Variants in MYO5A observed in about 807,000 individuals in gnomAD.
MYO5A encodes myosin VA.
A neutral mutation model predicts 249.7 loss-of-function variants in MYO5A; 98 were observed. The ratio of observed to expected loss-of-function variants is 0.39; its 90% CI spans 0.33 to 0.46. The LOEUF is 0.46. Among genes scored for constraint, MYO5A ranks in the 20% least tolerant of loss-of-function variants. The probability of loss-of-function intolerance (pLI) is 0.98; values close to 1 mark genes in which losing one functional copy is unlikely to be tolerated. For missense variants in MYO5A, 1,696 were observed against 2,308.8 expected (o/e 0.73, Z 5.44); for synonymous variants, 778 against 810.6 (o/e 0.96, Z 0.68).
In MYO5A at chr15:52,336,395, T is replaced by C. The variant is rs577292207; in HGVS notation, c.4408+68A>G. On this transcript the variant is annotated intron_variant, in intron 34 of 41. Transcript: ENST00000399233. ...GCAAACCTCTATTAGGCCACTTATA[T>C]AGCCTAGTCTTTAAGCCAAGACTCA... 2.3e-5 allele frequency: 24 copies of C among 1,063,364 alleles called. 1 individual carries two copies. In the South Asian group the frequency reaches 2.3e-4, roughly 10 times the overall value. 65.9% of individuals were successfully genotyped at this position (1,063,364 alleles called of 1,614,324 possible). A position where few individuals can be genotyped will look rare whatever the true frequency, so the allele number is the denominator to read the frequency against.
chr15:52,323,788 G>A (rs2038446682), intron 36 of MYO5A: 1 of 310,702 alleles, frequency 3.2e-6, no homozygotes, highest in Admixed American at 4.5e-5. Context: ...TGGATTGCCT[G>A]GGGTCAGGAG....
At chr15:52,409,301 A>G (rs565290179) in intron 6 of MYO5A, among the ~76,000 whole-genome samples, 1 of 152,048 alleles carries the variant, frequency 6.6e-6, no homozygotes, top group South Asian at 2.1e-4. Context: ...CTTCCCTTAG[A>G]TCTACCTCTG....
chr15:52,360,174 A>G (rs564323037), intron 24 of MYO5A, 93 bp from the exon 25 acceptor site: 28 of 823,780 alleles, frequency 3.4e-5, no homozygotes, highest in Non-Finnish European at 5.3e-5. Flanking sequence ...TCTTATCCCT[A>G]CTTCCTGACT....
intron 24 of MYO5A, among the ~76,000 whole-genome samples, chr15:52,363,577 CA>C (rs1211883031): frequency 3.3e-5 from 5 of 152,144 alleles, no homozygotes; most frequent in Non-Finnish European, 7.3e-5. Flanking sequence ...TGAACTTTGT[CA>C]GTAGGTCCAG....
At chr15:52,492,219 T>G (rs1270682443) in intron 1 of MYO5A, among the ~76,000 whole-genome samples, 3 of 152,196 alleles carry the variant, frequency 2.0e-5, no homozygotes, top group Non-Finnish European at 4.4e-5. Context: ...GTAGGAGGGT[T>G]CACAAGACTC....
intron 36 of MYO5A, among the ~76,000 whole-genome samples, chr15:52,324,271 G>T (rs140219255): frequency 1.3e-5 from 2 of 152,096 alleles, no homozygotes; most frequent in African/African-American, 4.8e-5. Flanking sequence ...TACAGTCAGG[G>T]GAAAGCTGGT....
rs183145052 is a variant in MYO5A at position 52,358,031 on chromosome 15, A to C, written c.3423+1937T>G. Among the ~76,000 whole-genome samples, 134 of 152,338 alleles carry C rather than the reference A, an allele frequency of 8.8e-4. 4 individuals carry two copies. The South Asian group carries it at 0.018, about 20-fold the overall frequency. On this transcript the variant is annotated intron_variant, in intron 25 of 41. Transcript: ENST00000399233. Reference sequence around the variant, plus strand: ...GAGGTGAAAGGTGTGAGAAAGCTTGACAGCAGAAGCAGAACAGGGATCATC... The same window carrying C: ...GAGGTGAAAGGTGTGAGAAAGCTTGCCAGCAGAAGCAGAACAGGGATCATC...
At chr15:52,370,774 C>G (rs376078663) in intron 21 of MYO5A, among the ~76,000 whole-genome samples, 1 of 152,144 alleles carries the variant, frequency 6.6e-6, no homozygotes, top group Non-Finnish European at 1.5e-5. Flanking sequence ...TGCTAAAAAC[C>G]ATTTACTAGC....
At chr15:52,521,371 T>A (rs1388012204) in intron 1 of MYO5A, among the ~76,000 whole-genome samples, 1 of 152,202 alleles carries the variant, frequency 6.6e-6, no homozygotes, top group Non-Finnish European at 1.5e-5. Context: ...TCTAGTTTCA[T>A]GTACATTTGT....
At chr15:52,376,697 A>G (rs2041433100) in intron 18 of MYO5A, 139 bp from the exon 19 acceptor site, 5 of 768,180 alleles carry the variant, frequency 6.5e-6, no homozygotes, top group Non-Finnish European at 8.5e-6. Context: ...TAACTAATGG[A>G]GCCAGATTTT....
chr15:52,494,137 T>C (rs1371974499), intron 1 of MYO5A, among the ~76,000 whole-genome samples: 1 of 152,164 alleles, frequency 6.6e-6, no homozygotes, highest in East Asian at 1.9e-4. Flanking sequence ...CTATATCATA[T>C]GAAGGAAATA....
At chr15:52,421,583 G>A (rs1306251070) in intron 4 of MYO5A, among the ~76,000 whole-genome samples, 1 of 152,156 alleles carries the variant, frequency 6.6e-6, no homozygotes, top group Non-Finnish European at 1.5e-5. Flanking sequence ...CTGGCATAGA[G>A]TAGAGCTGGG....
In MYO5A at chr15:52,427,081, T is replaced by C. The variant is rs138566848; in HGVS notation, c.311-1107A>G. On this transcript the variant is annotated intron_variant, in intron 3 of 41. Coordinates refer to ENST00000399233, the MANE Select transcript of MYO5A (RefSeq NM_001382347.1). ...AACTTATGCATACAAAGAGAAAGGA[T>C]GTAAATCAATATTAATACTGGCTAT... 4.3e-4 allele frequency among the ~76,000 whole-genome samples: 65 copies of C among 152,270 alleles called. 4 individuals are homozygous for C. The East Asian group carries it at 0.012, about 29-fold the overall frequency.
chr15:52,383,257 G>C lies in MYO5A; in HGVS notation c.1915-69C>G, dbSNP rs973415503. 3 of 1,282,008 alleles carry C rather than the reference G, an allele frequency of 2.3e-6. No homozygotes were observed. In the Admixed American group the frequency reaches 5.0e-5, roughly 22 times the overall value. The allele number at this position is 1,282,008 out of a possible 1,614,324, so 79.4% of individuals were successfully genotyped here. ...AGTCAAAGGTGAGGTAAAACAATGGGAAATTCCCTTCCTATGACACTAATG... is the reference window on the plus strand; with the variant it reads ...AGTCAAAGGTGAGGTAAAACAATGGCAAATTCCCTTCCTATGACACTAATG... On this transcript the variant is annotated intron_variant, in intron 15 of 41. Coordinates refer to ENST00000399233, the MANE Select transcript of MYO5A (RefSeq NM_001382347.1).
At chr15:52,411,691 G>A (rs2043258173) in intron 5 of MYO5A, among the ~76,000 whole-genome samples, 2 of 152,130 alleles carry the variant, frequency 1.3e-5, no homozygotes, top group Admixed American at 1.3e-4. Flanking sequence ...AGAAAGATGT[G>A]AAAATACAAT....
chr15:52,505,640 A>C (rs1427305826), intron 1 of MYO5A: 16 of 1,314,238 alleles, frequency 1.2e-5, no homozygotes, highest in Non-Finnish European at 1.8e-5. Flanking sequence ...TCTTGGGATG[A>C]TGAGACAGAT....
chr15:52,509,467 A>G (rs1300644805), intron 1 of MYO5A, among the ~76,000 whole-genome samples: 1 of 152,238 alleles, frequency 6.6e-6, no homozygotes, highest in Non-Finnish European at 1.5e-5. Flanking sequence ...ACTCCATGAC[A>G]GCATGATCAG....
chr15:52,414,933 T>C (rs908622134), intron 5 of MYO5A, among the ~76,000 whole-genome samples: 20 of 152,210 alleles, frequency 1.3e-4, no homozygotes, highest in African/African-American at 4.8e-4. Context: ...TCAGAAAGTA[T>C]TCCCAGTATT....
At chr15:52,334,845 C>T (rs2039042144) in intron 34 of MYO5A, among the ~76,000 whole-genome samples, 1 of 152,136 alleles carries the variant, frequency 6.6e-6, no homozygotes, top group Non-Finnish European at 1.5e-5. Context: ...TAAAAGATGT[C>T]GGCCAAATTG....
Sources: gnomAD v4.1 joint callset for allele counts (sites outside exome capture counted in the v4.1 genomes callset) on GRCh38, gnomAD v4.1.1 for gene constraint, MANE v1.5 for transcripts, NCBI Gene and HGNC (gene_info 2026-07-23, HGNC 2026-07-21) for gene names.